The following MCC variants were observed in gnomAD, a reference collection of about 807,000 sequenced individuals.
MCC encodes the protein colorectal mutant cancer protein.
In MCC, 90 loss-of-function variants were observed where a neutral mutation model predicts 116.2. The observed-to-expected ratio is 0.77, with a 90% CI of 0.65 to 0.92. The LOEUF (loss-of-function observed/expected upper bound fraction) is 0.92. MCC is among the 40% of genes least tolerant of loss of function. The pLI is 0.00. For synonymous variants in MCC, 578 were observed against 510.5 expected (o/e 1.13, Z -1.78); for missense variants, 1,516 against 1,312.2 (o/e 1.16, Z -2.40).
At chr5:113,431,283 C>T (rs945997506) in intron 1 of MCC, among the ~76,000 whole-genome samples, 1 of 152,086 alleles carries the variant, frequency 6.6e-6, no homozygotes, top group Non-Finnish European at 1.5e-5. Flanking sequence ...CAAAGTACCA[C>T]AAACTGAGGG....
intron 2 of MCC, among the ~76,000 whole-genome samples, chr5:113,348,131 C>G (rs957618388): frequency 9.2e-5 from 14 of 151,854 alleles, no homozygotes; most frequent in Non-Finnish European, 1.9e-4. Flanking sequence ...ACTTTAACAC[C>G]CCATTTTCAG....
In MCC at chr5:113,434,207, G is replaced by A. The variant is rs147355003; in HGVS notation, c.171-48995C>T. The A allele has an allele frequency of 1.6e-5, 26 of 1,614,084 alleles. No homozygotes were observed. Among genetic ancestry groups the A allele is most frequent in the Middle Eastern group, 1.6e-4 (1 of 6,062 alleles). ...TGGAGTCGTCGTAGGGCATGGAGCC[G>A]CAGACCATGATGTAGAGGATCACGC... On this transcript the variant is annotated intron_variant, in intron 1 of 18. Coordinates refer to ENST00000408903, the MANE Select transcript of MCC (RefSeq NM_001085377.2). The surrounding 1 kb of genome is among the most constrained non-coding windows in gnomAD (Gnocchi z 4.2).
rs775591445 is a variant in MCC, at chr5:113,433,979, C to T, written c.171-48767G>A. 8.7e-6 allele frequency: 14 copies of T among 1,613,912 alleles called. No individual in the cohort carries two copies. In the African/African-American group the frequency reaches 1.5e-4, roughly 17 times the overall value. On this transcript the variant is annotated intron_variant, in intron 1 of 18. Transcript: ENST00000408903. ...GTTCAGTTCCCCGGGAACTCTCCCC[C>T]TCCTTGTTGATGGCCACAGAGGGAG...
chr5:113,085,260 G>C lies in MCC; in HGVS notation c.1449C>G (p.Ser483=), dbSNP rs1274429303. 1 of 1,614,206 alleles carries C rather than the reference G, an allele frequency of 6.2e-7. No individual in the cohort carries two copies. The highest frequency in any genetic ancestry group is 2.2e-5 in the East Asian group (1 of 44,876). ...RLQSVQATGP[S]SPGRLTSTNR... ...TGGTGGAAGTGAGGCGGCCAGGGCT[G>C]GAGGGACCTGTGGCCTGCACGCTCT... Residue 483 remains serine (S), a synonymous_variant, in exon 9 of 19, where the codon TCC becomes TCG. Transcript: ENST00000408903.
intron 3 of MCC, among the ~76,000 whole-genome samples, chr5:113,216,995 T>G (rs1294572004): frequency 6.6e-6 from 1 of 152,252 alleles, no homozygotes; most frequent in Non-Finnish European, 1.5e-5. Context: ...ATTATTACTA[T>G]GGACAAAGTC....
chr5:113,369,773 T>C (rs573218108), intron 2 of MCC, among the ~76,000 whole-genome samples: 2 of 152,194 alleles, frequency 1.3e-5, no homozygotes, highest in Non-Finnish European at 1.5e-5. Flanking sequence ...AGACCAGGCA[T>C]AGACAAAAGT....
chr5:113,071,112 C>G lies in MCC; in HGVS notation c.1907G>C (p.Arg636Thr). Residue 636 changes from arginine to threonine, a missense_variant, in exon 12 of 19, where the codon AGG (arginine) becomes ACG (threonine). Coordinates refer to ENST00000408903, the MANE Select transcript of MCC (RefSeq NM_001085377.2). Reference sequence around the variant, plus strand: ...TGCCTACCTGTACTGCAAGGCCAGCCTCAGCGCTGTGGCATTGGATTCGTA... The same window carrying G: ...TGCCTACCTGTACTGCAAGGCCAGCGTCAGCGCTGTGGCATTGGATTCGTA... ...GKYESNATAL[R>T]LALQYSEQCI... is the part of the protein sequence containing the mutation. The G allele has an allele frequency of 2.5e-6, 4 of 1,604,728 alleles. No individual in the cohort carries two copies. The highest frequency in any genetic ancestry group is 3.4e-6 in the Non-Finnish European group (4 of 1,176,538).
chr5:113,176,782 G>A (rs560165481), intron 3 of MCC, among the ~76,000 whole-genome samples: 3 of 152,098 alleles, frequency 2.0e-5, no homozygotes, highest in East Asian at 1.9e-4. Flanking sequence ...CTTCCTCCAC[G>A]TCCCTCTTAT....
At chr5:113,263,190 C>T (rs1358695688) in intron 3 of MCC, among the ~76,000 whole-genome samples, 1 of 152,142 alleles carries the variant, frequency 6.6e-6, no homozygotes, top group Admixed American at 6.5e-5. Flanking sequence ...AGCTCAGTGG[C>T]ATCTGCTGGA....
At chr5:113,132,126 A>AT in intron 5 of MCC, among the ~76,000 whole-genome samples, 3 of 151,750 alleles carry the variant, frequency 2.0e-5, no homozygotes, top group Middle Eastern at 6.8e-3. Flanking sequence ...CTAATTTATA[A>AT]TTTTTTTCTT....
chr5:113,265,102 A>C (rs906669384), intron 3 of MCC, among the ~76,000 whole-genome samples: 4 of 152,178 alleles, frequency 2.6e-5, no homozygotes, highest in Admixed American at 6.5e-5. Flanking sequence ...TGTGACTTTT[A>C]TCTTACCATG....
At chr5:113,204,165 C>A (rs377461871) in intron 3 of MCC, among the ~76,000 whole-genome samples, 2 of 152,138 alleles carry the variant, frequency 1.3e-5, no homozygotes, top group African/African-American at 2.4e-5. Flanking sequence ...ATGGTCTTGA[C>A]GGTTTGCAAG....
intron 3 of MCC, among the ~76,000 whole-genome samples, chr5:113,301,741 G>C (rs1295717602): frequency 6.6e-6 from 1 of 152,158 alleles, no homozygotes; most frequent in African/African-American, 2.4e-5. Context: ...AAAGCCTAGG[G>C]AAACAGGGCT....
intron 3 of MCC, among the ~76,000 whole-genome samples, chr5:113,216,770 A>G (rs1218045131): frequency 3.3e-5 from 5 of 152,224 alleles, no homozygotes; most frequent in Admixed American, 6.5e-5. Context: ...GAAACCCCGA[A>G]TAGGGGATTT....
intron 3 of MCC, among the ~76,000 whole-genome samples, chr5:113,310,947 C>G (rs1197879871): frequency 6.6e-6 from 1 of 152,082 alleles, no homozygotes; most frequent in African/African-American, 2.4e-5. Flanking sequence ...TTGTTGGGTA[C>G]TAGAGATATA....
intron 5 of MCC, among the ~76,000 whole-genome samples, chr5:113,134,648 T>C (rs899870572): frequency 6.7e-6 from 1 of 149,688 alleles, no homozygotes; most frequent in African/African-American, 2.5e-5. Flanking sequence ...GGTATTTTGA[T>C]AGGGATTACA....
Position 113,421,034 on chromosome 5 carries a change from T to TA in MCC, c.171-35823_171-35822insT, listed in dbSNP as rs886656466. Among the ~76,000 whole-genome samples the TA allele has an allele frequency of 3.2e-3, 488 of 152,116 alleles. 2 individuals are homozygous for TA. The highest frequency in any genetic ancestry group is 0.011 in the African/African-American group (464 of 41,482). ...CGCAAAAGAATTTTATTTATTTATT[T>TA]TTTTTTTGAGATGGAGTCTCACTCT... On this transcript the variant is annotated intron_variant, in intron 1 of 18. Coordinates refer to ENST00000408903, the MANE Select transcript of MCC (RefSeq NM_001085377.2).
chr5:113,299,290 CTCAAAAAAAAAAAAAAAAAAAAAAAAAAA>C, intron 3 of MCC, among the ~76,000 whole-genome samples: 1 of 65,630 alleles, frequency 1.5e-5, no homozygotes, highest in African/African-American at 5.4e-5. Context: ...GAGACTCCGT[CTCAAAAAAAAAAAAAAAAAAAAAAAAAAA>C]AAAAAAAAAA....
intron 17 of MCC, among the ~76,000 whole-genome samples, chr5:113,041,846 A>G (rs1031067707): frequency 1.3e-5 from 2 of 152,136 alleles, no homozygotes; most frequent in Non-Finnish European, 2.9e-5. Flanking sequence ...AATACAAAAA[A>G]TTAGCCAGGT....
Sources: allele counts gnomAD v4.1 joint callset (sites outside exome capture counted in the v4.1 genomes callset), GRCh38; gene constraint gnomAD v4.1.1; non-coding constraint Gnocchi (gnomAD v3.1); transcripts MANE v1.5; gene names NCBI Gene and HGNC (gene_info 2026-07-23, HGNC 2026-07-21).